Variants in TUBD1 observed in about 807,000 individuals in gnomAD.
TUBD1 encodes the protein tubulin delta chain.
A neutral mutation model predicts 51.2 loss-of-function variants in TUBD1; 38 were observed. The ratio of observed to expected loss-of-function variants is 0.74; its 90% CI spans 0.57 to 0.97. The LOEUF (loss-of-function observed/expected upper bound fraction) is 0.97. TUBD1 is among the 50% of genes least tolerant of loss of function. The probability of loss-of-function intolerance (pLI) is 0.00; values close to 1 mark genes in which losing one functional copy is unlikely to be tolerated. For synonymous variants in TUBD1, 169 were observed against 178.2 expected (o/e 0.95, Z 0.41); for missense variants, 489 against 538.4 (o/e 0.91, Z 0.91).
intron 3 of TUBD1, among the ~76,000 whole-genome samples, chr17:59,881,514 C>T (rs898848472): frequency 6.6e-6 from 1 of 152,220 alleles, no homozygotes; most frequent in South Asian, 2.1e-4. Context: ...TAATCAGATA[C>T]TTTAATATTT....
intron 4 of TUBD1, among the ~76,000 whole-genome samples, chr17:59,879,752 A>T (rs1016367335): frequency 1.3e-4 from 19 of 148,314 alleles, no homozygotes; most frequent in African/African-American, 4.5e-4. Flanking sequence ...CTGAAAAAAA[A>T]TTTTTCTTTT....
Position 59,891,030 on chromosome 17 carries a change from T to C in TUBD1, c.-28A>G. ...TGAGCCACAAACTAGGTGTATTACC[T>C]CTAAAAACAACCTGTAATCGAAAAA... On this transcript the variant is annotated 5_prime_UTR_variant, in exon 2 of 9. Transcript: ENST00000325752. The C allele has an allele frequency of 6.3e-7, 1 of 1,578,688 alleles. No homozygotes were observed. The highest frequency in any genetic ancestry group is 8.6e-7 in the Non-Finnish European group (1 of 1,164,138).
At position 59,860,154 on chromosome 17, in the gene TUBD1, T is replaced by A; in HGVS notation, c.*168A>T. 1 of 499,224 alleles carries A rather than the reference T, an allele frequency of 2.0e-6. No individual in the cohort carries two copies. The highest frequency in any genetic ancestry group is 3.5e-6 in the Non-Finnish European group (1 of 282,842). 30.9% of individuals were successfully genotyped at this position (499,224 alleles called of 1,614,324 possible). ...CCTCAGCCTCCCGAGTAGCTGGGACTACAGGCACCCGCCACCGCGCCTGGC... is the reference window on the plus strand; with the variant it reads ...CCTCAGCCTCCCGAGTAGCTGGGACAACAGGCACCCGCCACCGCGCCTGGC... On this transcript the variant is annotated 3_prime_UTR_variant, in exon 9 of 9. Coordinates refer to ENST00000325752, the MANE Select transcript of TUBD1 (RefSeq NM_016261.4).
intron 2 of TUBD1, chr17:59,886,512 T>C (rs1292052): frequency 0.92 from 237,653 of 258,774 alleles, 109,359 homozygotes; most frequent in East Asian, 1. Context: ...TGCCTGTAAT[T>C]CCAGCTACTC....
At chr17:59,879,320 A>C (rs2040376566) in intron 4 of TUBD1, among the ~76,000 whole-genome samples, 1 of 152,150 alleles carries the variant, frequency 6.6e-6, no homozygotes, top group Admixed American at 6.6e-5. Context: ...AAGAAATAAA[A>C]ATTACTTGAG....
chr17:59,888,931 C>T lies in TUBD1; in HGVS notation c.172+1900G>A, dbSNP rs965802075. 1.1e-4 allele frequency among the ~76,000 whole-genome samples: 17 copies of T among 150,042 alleles called. 1 individual carries two copies. The South Asian group carries it at 3.6e-3, about 32-fold the overall frequency. ...TTCACCACGTTGGCCAGGCTGGTCTCGAACTCCTGACCTCAGGTGATTCAC... is the reference window on the plus strand; with the variant it reads ...TTCACCACGTTGGCCAGGCTGGTCTTGAACTCCTGACCTCAGGTGATTCAC... On this transcript the variant is annotated intron_variant, in intron 2 of 8. Coordinates refer to ENST00000325752, the MANE Select transcript of TUBD1 (RefSeq NM_016261.4).
intron 7 of TUBD1, among the ~76,000 whole-genome samples, chr17:59,865,309 C>T (rs1418821450): frequency 6.6e-6 from 1 of 152,060 alleles, no homozygotes; most frequent in Non-Finnish European, 1.5e-5. Context: ...GTAATCCCAG[C>T]ACTATGGGAG....
chr17:59,863,372 A>T (rs757036863), intron 8 of TUBD1, among the ~76,000 whole-genome samples: 3 of 152,136 alleles, frequency 2.0e-5, no homozygotes, highest in Non-Finnish European at 4.4e-5. Flanking sequence ...GCACTTTGGG[A>T]GGCTGAGGTG....
intron 3 of TUBD1, chr17:59,885,036 G>T: frequency 3.0e-6 from 1 of 330,574 alleles, no homozygotes; most frequent in Non-Finnish European, 5.8e-6. Flanking sequence ...CAGGGCCAGG[G>T]TCCTGGGAGT....
chr17:59,892,077 A>T (rs2041107061), intron 1 of TUBD1: 1 of 152,228 alleles, frequency 6.6e-6, no homozygotes. Flanking sequence ...TAGAACACAG[A>T]AGTGTGCTCA....
intron 3 of TUBD1, chr17:59,885,446 C>G: frequency 6.8e-7 from 1 of 1,461,160 alleles, no homozygotes. Context: ...GATATGTACC[C>G]TGTCTACCAG....
chr17:59,876,130 CAAGTA>C (rs1216623500), intron 5 of TUBD1, among the ~76,000 whole-genome samples: 1 of 151,886 alleles, frequency 6.6e-6, no homozygotes, highest in African/African-American at 2.4e-5. Flanking sequence ...TTGCATAGCA[CAAGTA>C]AATATAGAAT....
At position 59,862,714 on chromosome 17, in the gene TUBD1, A is replaced by ATTTT. The variant is rs71145582; in HGVS notation, c.1259+946_1259+949dup. ...ACCACTATGCCAAGCTAATTTTTGT[A>ATTTT]TTTTTTTTTTTTTTTTTTTTTTTTT... On this transcript the variant is annotated intron_variant, in intron 8 of 8. Transcript: ENST00000325752. Among the ~76,000 whole-genome samples, 87 of 56,978 alleles carry ATTTT rather than the reference A, an allele frequency of 1.5e-3. 11 individuals carry two copies. The highest frequency in any genetic ancestry group is 1.7e-3 in the Non-Finnish European group (54 of 31,516). 37.4% of individuals were successfully genotyped at this position (56,978 alleles called of 152,430 possible). A position where few individuals can be genotyped will look rare whatever the true frequency, so the allele number is the denominator to read the frequency against.
chr17:59,867,621 G>A (rs1161519099), intron 6 of TUBD1, among the ~76,000 whole-genome samples: 1 of 152,086 alleles, frequency 6.6e-6, no homozygotes, highest in African/African-American at 2.4e-5. Context: ...CCAGGAGGTC[G>A]AGGCTACAGT....
chr17:59,865,601 T>C (rs527873609), intron 7 of TUBD1, among the ~76,000 whole-genome samples: 8 of 152,140 alleles, frequency 5.3e-5, no homozygotes, highest in African/African-American at 1.9e-4. Flanking sequence ...AGAATAATAA[T>C]GCTCTTTCAA....
chr17:59,870,865 A>C (rs2144480243), intron 6 of TUBD1, among the ~76,000 whole-genome samples: 1 of 152,334 alleles, frequency 6.6e-6, no homozygotes, highest in East Asian at 1.9e-4. Flanking sequence ...AACTCAGCAA[A>C]TAATCACTGA....
At chr17:59,862,532 TTTTAA>T (rs1025619987) in intron 8 of TUBD1, among the ~76,000 whole-genome samples, 4 of 151,714 alleles carry the variant, frequency 2.6e-5, no homozygotes, top group South Asian at 2.1e-4. Flanking sequence ...ATCTTATGTT[TTTTAA>T]TTTAATTTAA....
In TUBD1 at chr17:59,863,843, T is replaced by A; in HGVS notation, c.1080A>T (p.Gly360=). ...AAGTATACAGAGCTGGATCTTTAAATCCCTCTAGAGTAAAAACAAGATAAG... is the reference window on the plus strand; with the variant it reads ...AAGTATACAGAGCTGGATCTTTAAAACCCTCTAGAGTAAAAACAAGATAAG... ...GKDVQSADVE[G]FKDPALYTSW... is the part of the protein sequence containing the mutation. Residue 360 remains glycine, a synonymous_variant, in exon 8 of 9, where the codon GGA becomes GGT. Coordinates refer to ENST00000325752, the MANE Select transcript of TUBD1 (RefSeq NM_016261.4). 1 of 1,541,274 alleles carries A rather than the reference T, an allele frequency of 6.5e-7. No individual in the cohort carries two copies. Among genetic ancestry groups the A allele is most frequent in the South Asian group, 1.3e-5 (1 of 79,250 alleles).
rs898341836 is a variant in TUBD1 at position 59,860,533 on chromosome 17, C to T, written c.1260-109G>A. The T allele has an allele frequency of 1.9e-5, 13 of 679,294 alleles. No homozygotes were observed. The South Asian group carries it at 2.2e-4, about 12-fold the overall frequency. The allele number at this position is 679,294 out of a possible 1,614,324, so 42.1% of individuals were successfully genotyped here. On this transcript the variant is annotated intron_variant, in intron 8 of 8. Coordinates refer to ENST00000325752, the MANE Select transcript of TUBD1 (RefSeq NM_016261.4). ...TTCTAGCTGATGAACATTTGAAGAT[C>T]ACACAATCGTTCAGAAGTCTTACAT...
Sources: gnomAD v4.1 joint callset for allele counts (sites outside exome capture counted in the v4.1 genomes callset) on GRCh38, gnomAD v4.1.1 for gene constraint, MANE v1.5 for transcripts, NCBI Gene and HGNC (gene_info 2026-07-23, HGNC 2026-07-21) for gene names.